The following RGS7 variants were observed in gnomAD, a reference collection of about 807,000 sequenced individuals.
The protein encoded by RGS7 is regulator of G protein signaling 7, also known as regulator of G-protein signaling 7.
RGS7 carries 27 observed loss-of-function variants against 81.1 expected under a neutral mutation model. The observed-to-expected ratio is 0.33, with a 90% CI of 0.25 to 0.46. The LOEUF is 0.46. RGS7 is among the 20% of genes least tolerant of loss of function. The pLI, the probability that RGS7 is intolerant of heterozygous loss-of-function variation, is 1.00. For missense variants in RGS7, 396 were observed against 607.4 expected (o/e 0.65, Z 3.66); for synonymous variants, 208 against 207.7 (o/e 1.00, Z -0.01).
chr1:241,197,079 A>G (rs191115314), intron 2 of RGS7, among the ~76,000 whole-genome samples: 46 of 151,808 alleles, frequency 3.0e-4, no homozygotes, highest in African/African-American at 1.1e-3. Flanking sequence ...TTAATATATC[A>G]ATAACATTAA....
chr1:241,214,551 T>G (rs548983264), intron 2 of RGS7, among the ~76,000 whole-genome samples: 20 of 152,246 alleles, frequency 1.3e-4, no homozygotes, highest in Middle Eastern at 3.4e-3. Context: ...TAGGCCAAAT[T>G]TGGAAAATTT....
chr1:241,301,738 A>G (rs999165076), intron 2 of RGS7, among the ~76,000 whole-genome samples: 1 of 152,194 alleles, frequency 6.6e-6, no homozygotes, highest in Non-Finnish European at 1.5e-5. Context: ...GATACTTACA[A>G]TAGTGTAATC....
At chr1:241,121,702 C>CA (rs1271338629) in intron 2 of RGS7, among the ~76,000 whole-genome samples, 8 of 113,000 alleles carry the variant, frequency 7.1e-5, no homozygotes, top group Non-Finnish European at 1.4e-4. Context: ...ACCTGTGTTG[C>CA]AATTGTTCTT....
chr1:241,121,442 T>C (rs2066247664), intron 2 of RGS7, among the ~76,000 whole-genome samples: 1 of 152,084 alleles, frequency 6.6e-6, no homozygotes, highest in African/African-American at 2.4e-5. Flanking sequence ...AAACAAAGTC[T>C]CTAAAGAGCA....
intron 2 of RGS7, among the ~76,000 whole-genome samples, chr1:241,269,950 T>C (rs1317707126): frequency 6.6e-6 from 1 of 152,206 alleles, no homozygotes; most frequent in Non-Finnish European, 1.5e-5. Context: ...AGCTCACTCT[T>C]CCTGAACCTC....
intron 2 of RGS7, among the ~76,000 whole-genome samples, chr1:241,136,447 AG>A (rs917348525): frequency 2.0e-5 from 3 of 151,466 alleles, no homozygotes; most frequent in South Asian, 2.1e-4. Context: ...TTTGGAGATA[AG>A]GGGGGGGATG....
chr1:241,095,601 T>C (rs1246930896), intron 3 of RGS7, among the ~76,000 whole-genome samples: 1 of 152,106 alleles, frequency 6.6e-6, no homozygotes, highest in Non-Finnish European at 1.5e-5. Context: ...GCTGCCATGT[T>C]TGCACCACTG....
At chr1:241,233,203 CTTAA>C (rs1428982733) in intron 2 of RGS7, among the ~76,000 whole-genome samples, 6 of 152,266 alleles carry the variant, frequency 3.9e-5, no homozygotes, top group Non-Finnish European at 2.9e-5. Flanking sequence ...TATCCGTCAC[CTTAA>C]TTATTTATCA....
At chr1:241,200,281 CTCTT>C (rs1310829870) in intron 2 of RGS7, among the ~76,000 whole-genome samples, 2 of 151,834 alleles carry the variant, frequency 1.3e-5, no homozygotes, top group Admixed American at 6.6e-5. Flanking sequence ...CCTTTTCTCT[CTCTT>C]TCCCATGATT....
chr1:240,957,386 C>G (rs1359906159), intron 4 of RGS7, among the ~76,000 whole-genome samples: 1 of 152,154 alleles, frequency 6.6e-6, no homozygotes, highest in African/African-American at 2.4e-5. Context: ...TTTGTGACTC[C>G]GACTGAGCCA....
chr1:241,098,251 C>A (rs1049550156), intron 3 of RGS7, among the ~76,000 whole-genome samples: 1 of 152,172 alleles, frequency 6.6e-6, no homozygotes. Context: ...CGGTCTTGAG[C>A]GAGTATGGCT....
intron 2 of RGS7, among the ~76,000 whole-genome samples, chr1:241,237,491 G>A (rs992224512): frequency 3.9e-5 from 6 of 151,920 alleles, no homozygotes; most frequent in African/African-American, 1.5e-4. Flanking sequence ...AGAGGAGCAC[G>A]TATATTAACA....
intron 4 of RGS7, among the ~76,000 whole-genome samples, chr1:240,969,357 C>T (rs1682843118): frequency 6.6e-6 from 1 of 152,184 alleles, no homozygotes; most frequent in African/African-American, 2.4e-5. Context: ...GACAATGCCA[C>T]AGGACAATTG....
At chr1:241,266,099 G>C (rs531549751) in intron 2 of RGS7, among the ~76,000 whole-genome samples, 1 of 151,952 alleles carries the variant, frequency 6.6e-6, no homozygotes, top group East Asian at 1.9e-4. Flanking sequence ...TGGCCTCCCT[G>C]CTTTTTAGCA....
intron 10 of RGS7, among the ~76,000 whole-genome samples, chr1:240,822,510 G>T (rs1417362588): frequency 6.6e-6 from 1 of 152,062 alleles, no homozygotes; most frequent in Non-Finnish European, 1.5e-5. Context: ...TACAAAGTCT[G>T]GGTTTCTTCC....
intron 3 of RGS7, among the ~76,000 whole-genome samples, chr1:241,008,912 CAAAAAAAAA>C (rs33916247): frequency 9.0e-5 from 7 of 77,910 alleles, no homozygotes; most frequent in Non-Finnish European, 1.7e-4. Context: ...ACTCTGTCTC[CAAAAAAAAA>C]AAAAAAAAAA....
intron 4 of RGS7, among the ~76,000 whole-genome samples, chr1:240,958,034 G>A (rs943070500): frequency 6.6e-6 from 1 of 152,190 alleles, no homozygotes; most frequent in African/African-American, 2.4e-5. Context: ...GGCAGAAGAA[G>A]GCACAAAAAG....
chr1:241,239,126 G>A (rs556661341), intron 2 of RGS7, among the ~76,000 whole-genome samples: 3 of 152,072 alleles, frequency 2.0e-5, no homozygotes, highest in South Asian at 2.1e-4. Flanking sequence ...GTGCCACCAC[G>A]CCCGGCTAAT....
intron 14 of RGS7, among the ~76,000 whole-genome samples, chr1:240,810,510 A>G (rs1323465665): frequency 6.9e-5 from 10 of 145,944 alleles, no homozygotes; most frequent in African/African-American, 2.5e-4. Context: ...GCAGTGGTGC[A>G]ATCTCAGCTC....
Sources: allele counts gnomAD v4.1 joint callset (sites outside exome capture counted in the v4.1 genomes callset), GRCh38; gene constraint gnomAD v4.1.1; transcripts MANE v1.5; gene names NCBI Gene and HGNC (gene_info 2026-07-23, HGNC 2026-07-21).